Variants in RTN4RL1 observed in about 807,000 individuals in gnomAD.
RTN4RL1 encodes the protein reticulon 4 receptor like 1.
In RTN4RL1, 7 loss-of-function variants were observed where a neutral mutation model predicts 25.6. The ratio of observed to expected loss-of-function variants is 0.27; its 90% confidence interval spans 0.16 to 0.51. The LOEUF is 0.51. Ranked by LOEUF, RTN4RL1 falls within the 20% of genes least tolerant of loss-of-function variation. The probability of loss-of-function intolerance (pLI) is 0.97; values close to 1 mark genes in which losing one functional copy is unlikely to be tolerated. For synonymous variants in RTN4RL1, 297 were observed against 288.2 expected, an observed-to-expected ratio of 1.03 and a Z score of -0.31; for missense variants, 500 against 615.6, an observed-to-expected ratio of 0.81 and a Z score of 1.99.
At chr17:2,024,154 G>A (rs1332070606) in intron 1 of RTN4RL1, among the ~76,000 whole-genome samples, 3 of 152,214 alleles carry the variant, frequency 2.0e-5, no homozygotes, top group Admixed American at 2.0e-4. Flanking sequence ...GGGCTGCTGG[G>A]GCGTCTAGCT....
At chr17:1,970,252 C>T (rs1198528072) in intron 1 of RTN4RL1, among the ~76,000 whole-genome samples, 1 of 152,076 alleles carries the variant, frequency 6.6e-6, no homozygotes, top group Non-Finnish European at 1.5e-5. Flanking sequence ...AACTACTGAC[C>T]TCAGGTGATC....
At chr17:1,978,547 T>G (rs1186392058) in intron 1 of RTN4RL1, among the ~76,000 whole-genome samples, 2 of 149,820 alleles carry the variant, frequency 1.3e-5, no homozygotes, top group African/African-American at 4.9e-5. Flanking sequence ...AGCTCTTGCT[T>G]GGAATTAGGC....
chr17:1,939,154 C>G (rs968155176), intron 1 of RTN4RL1, among the ~76,000 whole-genome samples: 3 of 151,964 alleles, frequency 2.0e-5, no homozygotes, highest in African/African-American at 7.3e-5. Context: ...AGATCGAGAC[C>G]ATCCTGGCTA....
chr17:1,977,529 C>T (rs1055832967), intron 1 of RTN4RL1, among the ~76,000 whole-genome samples: 6 of 152,176 alleles, frequency 3.9e-5, no homozygotes, highest in African/African-American at 1.2e-4. Context: ...CGCCCCCCAC[C>T]CCGCCCGCCG....
In RTN4RL1 at chr17:2,022,851, G is replaced by GTTA. The variant is rs1487483139; in HGVS notation, c.13+2001_13+2002insTAA. 5.3e-5 allele frequency among the ~76,000 whole-genome samples: 8 copies of GTTA among 152,336 alleles called. No homozygotes were observed. The East Asian group carries it at 1.5e-3, about 29-fold the overall frequency. ...GCAGGAAGGAAGAAACAGCCCGAGTGGCAAACACACGTGACTGCTAAGCCT... is the reference window on the plus strand; with the variant it reads ...GCAGGAAGGAAGAAACAGCCCGAGTGTTAGCAAACACACGTGACTGCTAAGCCT... On this transcript the variant is annotated intron_variant, in intron 1 of 1. Transcript: ENST00000331238.
chr17:2,004,289 A>G (rs1012579561), intron 1 of RTN4RL1, among the ~76,000 whole-genome samples: 6 of 145,698 alleles, frequency 4.1e-5, no homozygotes, highest in Non-Finnish European at 8.9e-5. Flanking sequence ...AATGATGTGA[A>G]CCTGGGAGGC....
chr17:1,939,144 A>T (rs1915381617), intron 1 of RTN4RL1, among the ~76,000 whole-genome samples: 1 of 151,984 alleles, frequency 6.6e-6, no homozygotes, highest in Non-Finnish European at 1.5e-5. Flanking sequence ...CGAGGTCAGG[A>T]GATCGAGACC....
intron 1 of RTN4RL1, among the ~76,000 whole-genome samples, chr17:1,964,592 C>T (rs73288380): frequency 0.22 from 33,458 of 151,262 alleles, 4,005 homozygotes; most frequent in Middle Eastern, 0.3. Flanking sequence ...ATTAGCCGGG[C>T]GTGGTGGCGG....
intron 1 of RTN4RL1, among the ~76,000 whole-genome samples, chr17:2,013,601 C>CTTGGGGTTTGATAGCTT (rs2067079206): frequency 6.7e-6 from 1 of 148,950 alleles, no homozygotes; most frequent in African/African-American, 2.5e-5. Flanking sequence ...CTCCCTCACC[C>CTTGGGGTTTGATAGCTT]TGGAACATAA....
intron 1 of RTN4RL1, among the ~76,000 whole-genome samples, chr17:1,982,162 G>A (rs572442861): frequency 3.9e-5 from 6 of 152,230 alleles, no homozygotes; most frequent in Middle Eastern, 3.4e-3. Context: ...TTAGCTGGGC[G>A]TGGTGGAGAG....
At chr17:2,023,965 C>T (rs1484889385) in intron 1 of RTN4RL1, among the ~76,000 whole-genome samples, 1 of 152,114 alleles carries the variant, frequency 6.6e-6, no homozygotes, top group Non-Finnish European at 1.5e-5. Context: ...CTGCTCGGGC[C>T]TGGGAGGGGA....
intron 1 of RTN4RL1, among the ~76,000 whole-genome samples, chr17:1,969,432 A>T (rs1176409687): frequency 1.3e-5 from 2 of 152,076 alleles, no homozygotes; most frequent in African/African-American, 2.4e-5. Flanking sequence ...AACAGCTAGG[A>T]CTTGATTAGT....
chr17:2,002,349 G>T (rs963690776), intron 1 of RTN4RL1, among the ~76,000 whole-genome samples: 2 of 149,296 alleles, frequency 1.3e-5, no homozygotes, highest in Non-Finnish European at 3.0e-5. Flanking sequence ...CTGGAGTGCA[G>T]TGGCGCGATC....
chr17:1,949,847 C>T (rs1915638037), intron 1 of RTN4RL1, among the ~76,000 whole-genome samples: 3 of 152,238 alleles, frequency 2.0e-5, no homozygotes, highest in Admixed American at 6.5e-5. Context: ...GCTGTGTGCT[C>T]TTGGAGGGCC....
chr17:1,952,329 T>C (rs1398800062), intron 1 of RTN4RL1, among the ~76,000 whole-genome samples: 1 of 86,610 alleles, frequency 1.2e-5, no homozygotes, highest in Non-Finnish European at 2.8e-5. Flanking sequence ...TCAAGGGAGG[T>C]TGGTTTTTTT....
At position 2,015,760 on chromosome 17, in the gene RTN4RL1, C is replaced by T. The variant is rs8068912; in HGVS notation, c.13+9093G>A. 7.8e-3 allele frequency among the ~76,000 whole-genome samples: 1,165 copies of T among 149,580 alleles called. 9 individuals carry two copies. Among genetic ancestry groups the T allele is most frequent in the African/African-American group, 0.026 (1,058 of 41,020 alleles). On this transcript the variant is annotated intron_variant, in intron 1 of 1. Transcript: ENST00000331238. ...AGTGTGGACAACCCCTTCCTTGATC[C>T]GGGCAGAGAGAGCCGAGCGGCCGCA...
chr17:1,972,473 C>T (rs2066824755), intron 1 of RTN4RL1, among the ~76,000 whole-genome samples: 1 of 152,080 alleles, frequency 6.6e-6, no homozygotes, highest in African/African-American at 2.4e-5. Flanking sequence ...TCTGGCCGCT[C>T]TCAGGCCACC....
At chr17:2,005,898 G>A (rs1302990277) in intron 1 of RTN4RL1, among the ~76,000 whole-genome samples, 1 of 150,838 alleles carries the variant, frequency 6.6e-6, no homozygotes, top group African/African-American at 2.4e-5. Context: ...CCGGGTTCCA[G>A]CGATTCTCCT....
At chr17:1,954,718 GGCGCAGCACTGCTGC>G (rs2151308241) in intron 1 of RTN4RL1, among the ~76,000 whole-genome samples, 1 of 152,192 alleles carries the variant, frequency 6.6e-6, no homozygotes, top group South Asian at 2.1e-4. Flanking sequence ...CCACCCCAGA[GGCGCAGCACTGCTGC>G]GCGTCCAACT....
Sources: allele counts gnomAD v4.1 joint callset (sites outside exome capture counted in the v4.1 genomes callset), GRCh38; gene constraint gnomAD v4.1.1; transcripts MANE v1.5; gene names NCBI Gene and HGNC (gene_info 2026-07-23, HGNC 2026-07-21).